BIRC6: variants seen among roughly 807,000 people sequenced by gnomAD.
The protein encoded by BIRC6 is baculoviral IAP repeat containing 6.
Under a neutral mutation model 503.3 loss-of-function variants are expected in BIRC6, and 98 were observed. The ratio of observed to expected loss-of-function variants is 0.19; its 90% CI spans 0.17 to 0.23. BIRC6 has a LOEUF of 0.23. BIRC6 is among the 10% of genes least tolerant of loss of function. The probability of loss-of-function intolerance (pLI) is 1.00; values close to 1 mark genes in which losing one functional copy is unlikely to be tolerated. For synonymous variants in BIRC6, 2,240 were observed against 2,078.7 expected, an observed-to-expected ratio of 1.08 and a Z score of -2.11; for missense variants, 5,360 against 5,806.0, an observed-to-expected ratio of 0.92 and a Z score of 2.50.
chr2:32,501,643 T>G, intron 46 of BIRC6, 70 bp from the exon 47 acceptor site: 1 of 1,345,328 alleles, frequency 7.4e-7, no homozygotes, highest in Admixed American at 2.4e-5. Context: ...AGTGTTGAGA[T>G]TACAGGCATG....
Position 32,460,283 on chromosome 2 carries a change from T to A in BIRC6, c.4754-2911T>A, listed in dbSNP as rs1485848273. ...ATATATATATATATATTTTTTTTTT[T>A]TTTTTTTTTTTTTTGACATGGAGTC... On this transcript the variant is annotated intron_variant, in intron 23 of 73. Transcript: ENST00000421745. 7.1e-3 allele frequency among the ~76,000 whole-genome samples: 660 copies of A among 93,454 alleles called. 2 individuals carry two copies. The highest frequency in any genetic ancestry group is 0.023 in the African/African-American group (543 of 23,534). 61.3% of individuals were successfully genotyped at this position (93,454 alleles called of 152,430 possible).
chr2:32,545,086 T>G (rs1389924856), intron 62 of BIRC6, among the ~76,000 whole-genome samples: 1 of 152,130 alleles, frequency 6.6e-6, no homozygotes. Context: ...TTCACACTAT[T>G]TTTAGTGCAT....
rs183868412 is a variant in BIRC6 at position 32,478,169 on chromosome 2, C to T, written c.7069-466C>T. The stretch of plus-strand genomic sequence containing the variant: ...ATGGCCAACATGGTGAAAACCCGTC[C>T]TTACTAAAAATACAAAAATTAGCTG... On this transcript the variant is annotated intron_variant, in intron 35 of 73. Coordinates refer to ENST00000421745, the MANE Select transcript of BIRC6 (RefSeq NM_016252.4). Among the ~76,000 whole-genome samples the T allele has an allele frequency of 4.2e-3, 633 of 151,704 alleles. 3 individuals carry two copies. The highest frequency in any genetic ancestry group is 0.014 in the African/African-American group (599 of 41,358).
At chr2:32,503,772 T>A (rs891632737) in intron 49 of BIRC6, among the ~76,000 whole-genome samples, 11 of 152,060 alleles carry the variant, frequency 7.2e-5, no homozygotes, top group African/African-American at 2.4e-4. Flanking sequence ...TTTTTATTTG[T>A]GAGTCTAAAT....
intron 61 of BIRC6, among the ~76,000 whole-genome samples, chr2:32,541,748 C>T (rs771583261): frequency 1.3e-5 from 2 of 152,072 alleles, no homozygotes; most frequent in Non-Finnish European, 1.5e-5. Context: ...GTAGGGCAAC[C>T]ATGCTCAGAA....
intron 36 of BIRC6, among the ~76,000 whole-genome samples, chr2:32,479,128 T>C (rs1321683506): frequency 6.6e-6 from 1 of 152,208 alleles, no homozygotes; most frequent in African/African-American, 2.4e-5. Flanking sequence ...GGGAAATCAC[T>C]TTGCCTCATT....
chr2:32,458,523 T>A (rs1380233767), intron 23 of BIRC6, among the ~76,000 whole-genome samples: 1 of 152,042 alleles, frequency 6.6e-6, no homozygotes, highest in Non-Finnish European at 1.5e-5. Context: ...ATCTTTTTTT[T>A]ATACTTGTTC....
intron 65 of BIRC6, among the ~76,000 whole-genome samples, chr2:32,574,367 C>A (rs558048096): frequency 6.6e-6 from 1 of 152,080 alleles, no homozygotes; most frequent in South Asian, 2.1e-4. Flanking sequence ...ATCCTCCCAC[C>A]TTGGCCTCCC....
At chr2:32,567,878 G>A (rs1322473776) in intron 65 of BIRC6, among the ~76,000 whole-genome samples, 1 of 152,168 alleles carries the variant, frequency 6.6e-6, no homozygotes, top group African/African-American at 2.4e-5. Flanking sequence ...GAGGTGGGTG[G>A]ATCACGAGGT....
intron 10 of BIRC6, among the ~76,000 whole-genome samples, chr2:32,427,830 A>G (rs1189835910): frequency 6.6e-6 from 1 of 152,066 alleles, no homozygotes; most frequent in Non-Finnish European, 1.5e-5. Context: ...CTGGACATTT[A>G]AAACAACACT....
intron 61 of BIRC6, among the ~76,000 whole-genome samples, chr2:32,532,802 A>C (rs1437575278): frequency 6.6e-6 from 1 of 152,084 alleles, no homozygotes; most frequent in Non-Finnish European, 1.5e-5. Context: ...AGACCCCAAC[A>C]TTTTCAGCAT....
intron 16 of BIRC6, among the ~76,000 whole-genome samples, chr2:32,440,908 C>T (rs2148293654): frequency 6.6e-6 from 1 of 152,030 alleles, no homozygotes; most frequent in Middle Eastern, 3.4e-3. Flanking sequence ...ATTAAAGGCA[C>T]TTACCCATGC....
In BIRC6 at chr2:32,525,526, G is replaced by C. The variant is rs2056191873; in HGVS notation, c.11818G>C (p.Gly3940Arg). Reference protein sequence around the residue: ...ATPPRPPSRRGRTIPDKIGST... With the variant: ...ATPPRPPSRRRRTIPDKIGST... ...ACCACCTCGCCCACCATCCAGGAGGGGGAGGACAATACCTGATAAAATAGG... is the reference window on the plus strand; with the variant it reads ...ACCACCTCGCCCACCATCCAGGAGGCGGAGGACAATACCTGATAAAATAGG... The change falls in exon 59 of 74, where the codon GGG (glycine) becomes CGG (arginine). Residue 3940 changes from glycine (G) to arginine (R), a missense_variant. Gly to Arg is a moderately radical substitution (Grantham distance 125, BLOSUM62 -2). Around this residue, in one of 16 missense-constraint regions of BIRC6, gnomAD observed 878 missense variants for 928.9 expected, o/e 0.95. Transcript: ENST00000421745. The C allele has an allele frequency of 6.2e-7, 1 of 1,613,934 alleles. No homozygotes were observed. Among genetic ancestry groups the C allele is most frequent in the Non-Finnish European group, 8.5e-7 (1 of 1,179,862 alleles).
intron 2 of BIRC6, chr2:32,379,361 A>C (rs946846537): frequency 2.0e-5 from 3 of 152,232 alleles, no homozygotes; most frequent in African/African-American, 7.2e-5. Context: ...AACACTATCA[A>C]ACTATGTTTA....
chr2:32,507,756 T>G (rs2053959323), intron 50 of BIRC6, among the ~76,000 whole-genome samples: 1 of 152,176 alleles, frequency 6.6e-6, no homozygotes. Flanking sequence ...TTAGACTGTT[T>G]AAGTATAATT....
intron 66 of BIRC6, among the ~76,000 whole-genome samples, chr2:32,575,914 G>C (rs1294722203): frequency 6.6e-6 from 1 of 152,162 alleles, no homozygotes; most frequent in African/African-American, 2.4e-5. Flanking sequence ...CATAGCTATA[G>C]GTATGAAGTT....
At chr2:32,535,150 C>CAAAAA (rs1158856665) in intron 61 of BIRC6, among the ~76,000 whole-genome samples, 1 of 7,274 alleles carries the variant, frequency 1.4e-4, no homozygotes, top group Non-Finnish European at 2.8e-4. Flanking sequence ...CCCAAAAAAG[C>CAAAAA]AAAAAAAAAA....
intron 22 of BIRC6, among the ~76,000 whole-genome samples, chr2:32,450,687 C>T (rs1264060137): frequency 1.3e-5 from 2 of 152,128 alleles, no homozygotes; most frequent in African/African-American, 4.8e-5. Context: ...TCCTCTCTAT[C>T]CGTGGGGAAT....
intron 10 of BIRC6, among the ~76,000 whole-genome samples, chr2:32,421,351 C>T (rs748457080): frequency 2.0e-5 from 3 of 151,828 alleles, no homozygotes; most frequent in Non-Finnish European, 4.4e-5. Flanking sequence ...GTGATCTGCC[C>T]GCCTTGACCT....
Sources: allele counts gnomAD v4.1 joint callset (sites outside exome capture counted in the v4.1 genomes callset), GRCh38; gene constraint gnomAD v4.1.1; regional missense constraint gnomAD v4.1.1; transcripts MANE v1.5; gene names NCBI Gene and HGNC (gene_info 2026-07-23, HGNC 2026-07-21).